The following DDX46 variants were observed in gnomAD, a reference collection of about 807,000 sequenced individuals.
The protein encoded by DDX46 is probable ATP-dependent RNA helicase DDX46.
DDX46 carries 30 observed loss-of-function variants against 134.9 expected under a neutral mutation model. That is an observed-to-expected ratio of 0.22 (90% confidence interval 0.17 to 0.30). The LOEUF is 0.30. DDX46 is among the 10% of genes least tolerant of loss of function. The pLI is 1.00. For missense variants in DDX46, 622 were observed against 1,248.7 expected, an observed-to-expected ratio of 0.50 and a Z score of 7.56; for synonymous variants, 415 against 404.1, an observed-to-expected ratio of 1.03 and a Z score of -0.32.
chr5:134,802,497 GTTTT>G (rs761764011), intron 15 of DDX46, among the ~76,000 whole-genome samples: 1 of 135,038 alleles, frequency 7.4e-6, no homozygotes, highest in Admixed American at 7.5e-5. Flanking sequence ...CAACATTATC[GTTTT>G]TTTTTTTTTT....
Position 134,758,893 on chromosome 5 carries a change from C to T in DDX46, c.-46C>T, listed in dbSNP as rs757579579. 2 of 1,613,766 alleles carry T rather than the reference C, an allele frequency of 1.2e-6. No individual in the cohort carries two copies. The highest frequency in any genetic ancestry group is 1.1e-5 in the South Asian group (1 of 91,084). ...TCAGCCTCCTTGTTTGTCCGGTTCGCCTGTGCGTGGTACTCAAGGGCACCA... is the reference window on the plus strand; with the variant it reads ...TCAGCCTCCTTGTTTGTCCGGTTCGTCTGTGCGTGGTACTCAAGGGCACCA... On this transcript the variant is annotated 5_prime_UTR_variant, in exon 1 of 23. Coordinates refer to ENST00000452510, the MANE Select transcript of DDX46 (RefSeq NM_001300860.2).
intron 6 of DDX46, among the ~76,000 whole-genome samples, chr5:134,779,797 A>G (rs1395738725): frequency 6.6e-6 from 1 of 152,174 alleles, no homozygotes; most frequent in Admixed American, 6.5e-5. Flanking sequence ...GCCTAGTAGT[A>G]GTTTAAAAAT....
intron 13 of DDX46, among the ~76,000 whole-genome samples, chr5:134,793,209 T>C (rs998804645): frequency 6.6e-6 from 1 of 152,046 alleles, no homozygotes; most frequent in Admixed American, 6.6e-5. Context: ...GTGAGCTTCA[T>C]AGATTAAAAA....
chr5:134,812,055 A>T (rs1205053991), intron 18 of DDX46, among the ~76,000 whole-genome samples: 1 of 144,842 alleles, frequency 6.9e-6, no homozygotes, highest in Non-Finnish European at 1.5e-5. Flanking sequence ...GGATGTGAAA[A>T]GTCCTTTTTT....
intron 5 of DDX46, among the ~76,000 whole-genome samples, chr5:134,774,112 A>G (rs544925952): frequency 8.4e-4 from 128 of 152,250 alleles, no homozygotes; most frequent in Middle Eastern, 3.4e-3. Context: ...AAATAACTCT[A>G]TGACGCCTTT....
intron 15 of DDX46, among the ~76,000 whole-genome samples, chr5:134,800,932 TC>T (rs959471548): frequency 5.9e-5 from 9 of 152,072 alleles, no homozygotes; most frequent in African/African-American, 2.2e-4. Flanking sequence ...TGCCTCAGCC[TC>T]CCAAAGTGCT....
At chr5:134,821,432 C>T (rs1755446417) in intron 21 of DDX46, among the ~76,000 whole-genome samples, 1 of 152,120 alleles carries the variant, frequency 6.6e-6, no homozygotes, top group Non-Finnish European at 1.5e-5. Flanking sequence ...CTGCCTCTGC[C>T]TCCCAAAGTG....
At chr5:134,761,654 C>T (rs1753390306) in intron 1 of DDX46, among the ~76,000 whole-genome samples, 1 of 152,190 alleles carries the variant, frequency 6.6e-6, no homozygotes, top group Non-Finnish European at 1.5e-5. Context: ...ACCTAATATT[C>T]TGATCCACCT....
At chr5:134,771,536 CAAA>C (rs74329372) in intron 4 of DDX46, among the ~76,000 whole-genome samples, 125 of 84,040 alleles carry the variant, frequency 1.5e-3, no homozygotes, top group African/African-American at 4.7e-3. Context: ...ACTAAAAATA[CAAA>C]AAAAAAAAAA....
In DDX46 at chr5:134,766,942, A is replaced by G; in HGVS notation, c.232A>G (p.Arg78Gly). The change falls in exon 3 of 23, where the codon AGA becomes GGA. Residue 78 changes from arginine (R) to glycine (G), a missense_variant. By Grantham distance (125) the Arg-to-Gly change is moderately radical. Around this residue, in one of 8 missense-constraint regions of DDX46, gnomAD observed 244 missense variants for 349.3 expected, o/e 0.70. Coordinates refer to ENST00000452510, the MANE Select transcript of DDX46 (RefSeq NM_001300860.2). ...LRRSRSRERD[R>G]SRERRRSRSR... ...ACGTTCCAGAAGTAGAGAGAGAGAC[A>G]GAAGCCGAGAGCGAAGAAGATCTCG... 1 of 1,613,964 alleles carries G rather than the reference A, an allele frequency of 6.2e-7. No homozygotes were observed. The highest frequency in any genetic ancestry group is 8.5e-7 in the Non-Finnish European group (1 of 1,179,950).
intron 22 of DDX46, among the ~76,000 whole-genome samples, chr5:134,828,163 T>C (rs1755640160): frequency 6.6e-6 from 1 of 152,204 alleles, no homozygotes; most frequent in African/African-American, 2.4e-5. Flanking sequence ...AGTGTGTACA[T>C]TTCCTTTGAA....
At chr5:134,815,402 T>G (rs1319578724) in intron 18 of DDX46, among the ~76,000 whole-genome samples, 1 of 151,926 alleles carries the variant, frequency 6.6e-6, no homozygotes, top group Non-Finnish European at 1.5e-5. Context: ...GCAAAGGGCA[T>G]TTTTTAAAAG....
intron 15 of DDX46, chr5:134,797,110 T>C (rs1366411882): frequency 1.0e-5 from 2 of 193,912 alleles, no homozygotes; most frequent in East Asian, 3.5e-4. Context: ...GAAGTTGCGG[T>C]GAGCGGAGAT....
At chr5:134,781,018 A>G (rs556162216) in intron 6 of DDX46, 115 bp from the exon 7 acceptor site, 1 of 686,270 alleles carries the variant, frequency 1.5e-6, no homozygotes, top group African/African-American at 1.9e-5. Flanking sequence ...AGACCATGTC[A>G]CTAAAAAAAG....
chr5:134,821,273 ACCTTGTGATCCGCCCG>A (rs1755440837), intron 21 of DDX46, among the ~76,000 whole-genome samples: 1 of 151,114 alleles, frequency 6.6e-6, no homozygotes, highest in African/African-American at 2.4e-5. Context: ...CGATCTCCTG[ACCTTGTGATCCGCCCG>A]CCTCGGCCTC....
intron 13 of DDX46, among the ~76,000 whole-genome samples, 195 bp from the exon 14 acceptor site, chr5:134,794,653 CAG>C (rs1349930287): frequency 6.6e-6 from 1 of 152,074 alleles, no homozygotes; most frequent in Middle Eastern, 3.2e-3. Context: ...AGATGAGTGA[CAG>C]AGATTAATCA....
In DDX46 at chr5:134,782,040, A is replaced by G; in HGVS notation, c.999A>G (p.Lys333=). 6.3e-7 allele frequency: 1 copy of G among 1,595,714 alleles called. No individual in the cohort carries two copies. Among genetic ancestry groups the G allele is most frequent in the Non-Finnish European group, 8.5e-7 (1 of 1,176,136 alleles). ...HGKIEYEPFR[K]NFYVEVPELA... ...AAATTGAGTATGAGCCATTTAGGAAAAACTTCTATGTTGAAGTTCCAGAAC... is the reference window on the plus strand; with the variant it reads ...AAATTGAGTATGAGCCATTTAGGAAGAACTTCTATGTTGAAGTTCCAGAAC... The change falls in exon 8 of 23, where the codon AAA becomes AAG. Residue 333 remains lysine, a synonymous_variant. Transcript: ENST00000452510.
rs1477867402 is a variant in DDX46 at position 134,817,478 on chromosome 5, A to T, written c.2614-18A>T. ...TCTGCCCTCATTTGAGATTTAACTA[A>T]GTCTTCTTTAACTACAGGATGTGAT... On this transcript the variant is annotated intron_variant, in intron 19 of 22. Transcript: ENST00000452510. 5.0e-6 allele frequency: 8 copies of T among 1,607,714 alleles called. No individual in the cohort carries two copies. The highest frequency in any genetic ancestry group is 6.8e-6 in the Non-Finnish European group (8 of 1,176,568).
chr5:134,811,862 T>G lies in DDX46; in HGVS notation c.2436+17T>G. The G allele has an allele frequency of 6.2e-7, 1 of 1,600,224 alleles. No individual in the cohort carries two copies. Among genetic ancestry groups the G allele is most frequent in the Non-Finnish European group, 8.5e-7 (1 of 1,176,076 alleles). On this transcript the variant is annotated intron_variant, in intron 18 of 22. Transcript: ENST00000452510. ...GCAGTTGATGTAAGTACTATTATTCTCTCATTCTTAATTGAAGCAGTTATT... is the reference window on the plus strand; with the variant it reads ...GCAGTTGATGTAAGTACTATTATTCGCTCATTCTTAATTGAAGCAGTTATT...
Sources: gnomAD v4.1 joint callset for allele counts (sites outside exome capture counted in the v4.1 genomes callset) on GRCh38, gnomAD v4.1.1 for gene constraint, gnomAD v4.1.1 regional missense constraint, MANE v1.5 for transcripts, NCBI Gene and HGNC (gene_info 2026-07-23, HGNC 2026-07-21) for gene names.